Variants in FNBP1L observed in about 807,000 individuals in gnomAD.
FNBP1L encodes the protein formin binding protein 1 like.
Under a neutral mutation model 91.2 loss-of-function variants are expected in FNBP1L, and 36 were observed. The ratio of observed to expected loss-of-function variants is 0.39; its 90% confidence interval spans 0.30 to 0.52. The LOEUF (loss-of-function observed/expected upper bound fraction) is 0.52, where lower values mean the gene tolerates loss of function less well. Among genes scored for constraint, FNBP1L ranks in the 20% least tolerant of loss-of-function variants. FNBP1L has a pLI of 0.66. For missense variants in FNBP1L, 571 were observed against 732.1 expected, an observed-to-expected ratio of 0.78 and a Z score of 2.54; for synonymous variants, 242 against 237.0, an observed-to-expected ratio of 1.02 and a Z score of -0.19.
In FNBP1L at chr1:93,531,920, CA is replaced by C. The variant is rs922364218; in HGVS notation, c.640-992del. Among the ~76,000 whole-genome samples the C allele has an allele frequency of 2.1e-3, 317 of 147,828 alleles. 1 individual carries two copies. Among genetic ancestry groups the C allele is most frequent in the African/African-American group, 3.3e-3 (131 of 40,238 alleles). On this transcript the variant is annotated intron_variant, in intron 7 of 16. Transcript: ENST00000271234. ...GTCAGTGCTGGCAAATAGGATATGT[CA>C]AAAAAAAAATGCCTTTAAGTTATTG...
At chr1:93,537,112 A>G (rs903603817) in intron 10 of FNBP1L, among the ~76,000 whole-genome samples, 11 of 152,038 alleles carry the variant, frequency 7.2e-5, no homozygotes, top group Non-Finnish European at 1.5e-4. Flanking sequence ...CTGTTATACT[A>G]CTAATAAATA....
At chr1:93,479,759 C>T (rs1284825521) in intron 1 of FNBP1L, among the ~76,000 whole-genome samples, 2 of 152,160 alleles carry the variant, frequency 1.3e-5, no homozygotes, top group East Asian at 3.9e-4. Flanking sequence ...GGCAGTCAGA[C>T]CTTATGGTTG....
In FNBP1L at chr1:93,540,631, T is replaced by C. The variant is rs1436517698; in HGVS notation, c.1150-411T>C. On this transcript the variant is annotated intron_variant, in intron 10 of 16. Coordinates refer to ENST00000271234, the MANE Select transcript of FNBP1L (RefSeq NM_001164473.3). ...ACACTGGAAAGAACATTCTATTTTTTAATATTTCACATAAGATTTCTTTTT... is the reference window on the plus strand; with the variant it reads ...ACACTGGAAAGAACATTCTATTTTTCAATATTTCACATAAGATTTCTTTTT... Among the ~76,000 whole-genome samples, 5 of 152,268 alleles carry C rather than the reference T, an allele frequency of 3.3e-5. No homozygotes were observed. The East Asian group carries it at 5.8e-4, about 18-fold the overall frequency.
At chr1:93,477,535 A>G (rs569375569) in intron 1 of FNBP1L, among the ~76,000 whole-genome samples, 1 of 152,352 alleles carries the variant, frequency 6.6e-6, no homozygotes, top group Non-Finnish European at 1.5e-5. Flanking sequence ...GGTGCACTTG[A>G]TGCTGTAAAG....
chr1:93,519,515 A>G (rs936264495), intron 2 of FNBP1L, among the ~76,000 whole-genome samples: 4 of 152,200 alleles, frequency 2.6e-5, no homozygotes, highest in African/African-American at 9.6e-5. Flanking sequence ...TATGTTATGT[A>G]AGAGTGTCTA....
At chr1:93,477,005 T>C (rs1020238074) in intron 1 of FNBP1L, among the ~76,000 whole-genome samples, 5 of 152,296 alleles carry the variant, frequency 3.3e-5, no homozygotes, top group African/African-American at 1.2e-4. Flanking sequence ...AGCTAATAAA[T>C]GGCAGAGTCT....
chr1:93,451,041 A>G (rs1233005087), intron 1 of FNBP1L, among the ~76,000 whole-genome samples: 2 of 152,238 alleles, frequency 1.3e-5, no homozygotes, highest in East Asian at 3.8e-4. Flanking sequence ...AGTGTTCCAA[A>G]TGAGTAAATA....
At chr1:93,525,180 C>T (rs1382924895) in intron 5 of FNBP1L, among the ~76,000 whole-genome samples, 1 of 151,900 alleles carries the variant, frequency 6.6e-6, no homozygotes, top group Admixed American at 6.6e-5. Context: ...CTGGTGGACA[C>T]TGCGTATTCC....
intron 1 of FNBP1L, among the ~76,000 whole-genome samples, chr1:93,472,079 A>C (rs1254008759): frequency 3.3e-5 from 5 of 152,082 alleles, no homozygotes; most frequent in African/African-American, 1.2e-4. Context: ...CCCTAACCCT[A>C]CTCTAATCTC....
intron 1 of FNBP1L, among the ~76,000 whole-genome samples, chr1:93,453,953 T>C (rs1018272394): frequency 1.3e-5 from 2 of 152,214 alleles, no homozygotes. Context: ...AGATGGACTT[T>C]AGGGCTATGA....
chr1:93,466,399 C>T (rs914351495), intron 1 of FNBP1L, among the ~76,000 whole-genome samples: 9 of 152,086 alleles, frequency 5.9e-5, no homozygotes, highest in African/African-American at 1.4e-4. Context: ...GGAAGGGATC[C>T]AGTTTCAGCT....
intron 2 of FNBP1L, among the ~76,000 whole-genome samples, chr1:93,515,188 A>C (rs1240409987): frequency 1.3e-5 from 2 of 152,258 alleles, no homozygotes; most frequent in Non-Finnish European, 2.9e-5. Context: ...TGGCCATCAG[A>C]GAAATGCAAA....
At chr1:93,515,473 T>C (rs1231386249) in intron 2 of FNBP1L, among the ~76,000 whole-genome samples, 1 of 152,140 alleles carries the variant, frequency 6.6e-6, no homozygotes, top group East Asian at 1.9e-4. Flanking sequence ...CACGTATATT[T>C]ATTGCGGCAT....
Position 93,478,969 on chromosome 1 carries a change from T to A in FNBP1L, c.25-20499T>A, listed in dbSNP as rs562030734. 2.0e-5 allele frequency among the ~76,000 whole-genome samples: 3 copies of A among 152,340 alleles called. No individual in the cohort carries two copies. The South Asian group carries it at 6.2e-4, about 32-fold the overall frequency. On this transcript the variant is annotated intron_variant, in intron 1 of 16. Transcript: ENST00000271234. Reference sequence around the variant, plus strand: ...GGTTTGCTTTCTAAAAGGCAGCCATTTAAACTTAAAGCAAAATTTGTACAT... The same window carrying A: ...GGTTTGCTTTCTAAAAGGCAGCCATATAAACTTAAAGCAAAATTTGTACAT...
intron 8 of FNBP1L, among the ~76,000 whole-genome samples, chr1:93,533,567 C>T (rs746443667): frequency 6.6e-6 from 1 of 152,108 alleles, no homozygotes; most frequent in Admixed American, 6.6e-5. Flanking sequence ...GGACTAGGGT[C>T]TTTTATCTCA....
At chr1:93,503,170 TCA>T (rs1163164829) in intron 2 of FNBP1L, among the ~76,000 whole-genome samples, 7 of 152,164 alleles carry the variant, frequency 4.6e-5, no homozygotes, top group Admixed American at 3.3e-4. Context: ...TTTAATTGAC[TCA>T]CAGTTCAGCA....
chr1:93,452,729 A>G (rs1323561793), intron 1 of FNBP1L, among the ~76,000 whole-genome samples: 1 of 152,170 alleles, frequency 6.6e-6, no homozygotes, highest in Admixed American at 6.5e-5. Flanking sequence ...ATTTTACTTC[A>G]CATTTTTTGG....
At chr1:93,455,013 C>T (rs1668611629) in intron 1 of FNBP1L, among the ~76,000 whole-genome samples, 1 of 152,172 alleles carries the variant, frequency 6.6e-6, no homozygotes, top group African/African-American at 2.4e-5. Context: ...ACTGCAAGCT[C>T]TGCCTCATGG....
intron 1 of FNBP1L, among the ~76,000 whole-genome samples, chr1:93,464,458 T>G (rs1366879875): frequency 6.6e-6 from 1 of 152,210 alleles, no homozygotes; most frequent in Non-Finnish European, 1.5e-5. Context: ...GTTTGTTGGA[T>G]CTTCTTGCTC....
Sources: gnomAD v4.1 joint callset for allele counts (sites outside exome capture counted in the v4.1 genomes callset) on GRCh38, gnomAD v4.1.1 for gene constraint, MANE v1.5 for transcripts, NCBI Gene and HGNC (gene_info 2026-07-23, HGNC 2026-07-21) for gene names.